ANKRD30B: variants seen among roughly 807,000 people sequenced by gnomAD.
The protein encoded by ANKRD30B is ankyrin repeat domain-containing protein 30B.
A neutral mutation model predicts 202.2 loss-of-function variants in ANKRD30B; 144 were observed. That is an observed-to-expected ratio of 0.71 (90% CI 0.62 to 0.82). ANKRD30B has a LOEUF of 0.82. ANKRD30B is among the 40% of genes least tolerant of loss of function. The pLI is 0.00. For synonymous variants in ANKRD30B, 508 were observed against 561.3 expected (o/e 0.91, Z 1.34); for missense variants, 1,487 against 1,669.1 (o/e 0.89, Z 1.90).
chr18:14,795,956 A>C (rs9676068), intron 16 of ANKRD30B, among the ~76,000 whole-genome samples: 2,607 of 152,060 alleles, frequency 0.017, 81 homozygotes, highest in African/African-American at 0.06. Flanking sequence ...GATTTTTCTA[A>C]TTTAGTTATT....
the ANKRD30B span, among the ~76,000 whole-genome samples, chr18:14,940,819 T>A: frequency 3.9e-5 from 6 of 152,214 alleles, no homozygotes; most frequent in Non-Finnish European, 1.5e-5. Flanking sequence ...AAATAGTTTT[T>A]TATTTTGCAA....
At position 14,780,076 on chromosome 18, in the gene ANKRD30B, T is replaced by C; in HGVS notation, c.1482+55T>C. ...CTAAAAATATTAATATTGAGTGATG[T>C]GAAAATGCAAAATCAGAGGCTTTGA... On this transcript the variant is annotated intron_variant, in intron 11 of 43. Transcript: ENST00000690538. 8.5e-6 allele frequency: 12 copies of C among 1,406,584 alleles called. No homozygotes were observed. The South Asian group carries it at 1.5e-4, about 18-fold the overall frequency. The allele number at this position is 1,406,584 out of a possible 1,614,324, so 87.1% of individuals were successfully genotyped here. A position where few individuals can be genotyped will look rare whatever the true frequency, so the allele number is the denominator to read the frequency against.
Position 14,764,055 on chromosome 18 carries a change from C to A in ANKRD30B, c.1190C>A (p.Pro397His). ...GGAACATCTAATATGATTGCATGTC[C>A]TACAAAAGAAACATCTACAAAAGCA... is the stretch of plus-strand genomic sequence containing the variant. ...EKGTSNMIAC[P>H]TKETSTKAST... is the part of the protein sequence containing the mutation. Residue 397 changes from proline to histidine, a missense_variant, in exon 7 of 44, where the codon CCT becomes CAT. Physicochemically the swap from Pro to His is moderately conservative, Grantham distance 77 (BLOSUM62 -2). Coordinates refer to ENST00000690538, the MANE Select transcript of ANKRD30B (RefSeq NM_001367607.2). 6.5e-7 allele frequency: 1 copy of A among 1,546,074 alleles called. No homozygotes were observed. The highest frequency in any genetic ancestry group is 8.7e-7 in the Non-Finnish European group (1 of 1,153,070).
At chr18:14,860,415 CCAGA>C in the ANKRD30B span, among the ~76,000 whole-genome samples, 2 of 126,890 alleles carry the variant, frequency 1.6e-5, no homozygotes, top group Non-Finnish European at 1.6e-5. Flanking sequence ...TCCTCACCTC[CCAGA>C]TGGGGCAGCC....
the ANKRD30B span, among the ~76,000 whole-genome samples, chr18:14,904,996 A>G: frequency 1.3e-5 from 2 of 152,210 alleles, no homozygotes; most frequent in African/African-American, 4.8e-5. Context: ...CACAGGTTGC[A>G]GTAGAGAAGC....
chr18:14,751,444 A>ACTG (rs1913436761), intron 1 of ANKRD30B, among the ~76,000 whole-genome samples: 1 of 152,078 alleles, frequency 6.6e-6, no homozygotes, highest in African/African-American at 2.4e-5. Flanking sequence ...GAGAGATTTA[A>ACTG]AATTGGAGTA....
chr18:14,884,382 C>T, the ANKRD30B span, among the ~76,000 whole-genome samples: 3 of 152,190 alleles, frequency 2.0e-5, no homozygotes, highest in East Asian at 3.9e-4. Flanking sequence ...GAATTCTGAA[C>T]AAAAACACTG....
chr18:14,915,006 A>T, the ANKRD30B span, among the ~76,000 whole-genome samples: 1 of 152,154 alleles, frequency 6.6e-6, no homozygotes, highest in Non-Finnish European at 1.5e-5. Flanking sequence ...CCAGTTTTGA[A>T]GGGTCCCAAA....
chr18:14,831,347 G>T, intron 33 of ANKRD30B, 36 bp from the exon 34 acceptor site: 1 of 1,318,130 alleles, frequency 7.6e-7, no homozygotes, highest in South Asian at 1.3e-5. Flanking sequence ...TTAAATATAT[G>T]AATTTGCTCA....
At chr18:14,843,692 G>A (rs1971517578) in intron 39 of ANKRD30B, among the ~76,000 whole-genome samples, 1 of 152,054 alleles carries the variant, frequency 6.6e-6, no homozygotes, top group Admixed American at 6.6e-5. Flanking sequence ...TACTCGGGAG[G>A]CTGAGGCAGG....
At chr18:14,893,929 A>G in the ANKRD30B span, among the ~76,000 whole-genome samples, 1 of 150,730 alleles carries the variant, frequency 6.6e-6, no homozygotes, top group South Asian at 2.1e-4. Flanking sequence ...CATAATGTCC[A>G]TGATAGCATA....
intron 28 of ANKRD30B, among the ~76,000 whole-genome samples, chr18:14,810,555 C>G (rs191624367): frequency 2.1e-4 from 31 of 151,046 alleles, no homozygotes; most frequent in East Asian, 9.6e-4. Context: ...CACTTGCTGA[C>G]GTGACAGTTG....
intron 15 of ANKRD30B, among the ~76,000 whole-genome samples, chr18:14,789,629 A>C (rs1968328092): frequency 6.6e-6 from 1 of 152,134 alleles, no homozygotes; most frequent in East Asian, 1.9e-4. Flanking sequence ...TTTTCCCAGC[A>C]CCATTTATTA....
intron 24 of ANKRD30B, among the ~76,000 whole-genome samples, chr18:14,805,271 A>G (rs1379001822): frequency 6.6e-6 from 1 of 150,934 alleles, no homozygotes; most frequent in East Asian, 1.9e-4. Context: ...GAATACTTAA[A>G]TTGTTGTTAT....
At chr18:14,770,261 T>G (rs569799727) in intron 8 of ANKRD30B, among the ~76,000 whole-genome samples, 4 of 152,322 alleles carry the variant, frequency 2.6e-5, no homozygotes, top group Non-Finnish European at 5.9e-5. Flanking sequence ...CGTGGAATTT[T>G]AGGATTTTAA....
chr18:14,894,147 G>T, the ANKRD30B span, among the ~76,000 whole-genome samples: 1 of 152,010 alleles, frequency 6.6e-6, no homozygotes, highest in Non-Finnish European at 1.5e-5. Context: ...TTATCGTCTG[G>T]TTCAATAATT....
chr18:14,792,937 C>T (rs1342844063), intron 16 of ANKRD30B, among the ~76,000 whole-genome samples: 1 of 152,052 alleles, frequency 6.6e-6, no homozygotes, highest in Non-Finnish European at 1.5e-5. Flanking sequence ...GACTTGAATA[C>T]TTAAATTGTT....
At chr18:14,933,110 G>A in the ANKRD30B span, among the ~76,000 whole-genome samples, 2 of 152,164 alleles carry the variant, frequency 1.3e-5, no homozygotes, top group African/African-American at 4.8e-5. Context: ...CTGTAAAAAT[G>A]GAACTTTCAG....
rs183100361 is a variant in ANKRD30B at position 14,755,446 on chromosome 18, T to G, written c.617+441T>G. Among the ~76,000 whole-genome samples the G allele has an allele frequency of 1.3e-3, 191 of 152,232 alleles. 1 individual carries two copies. Among genetic ancestry groups the G allele is most frequent in the Non-Finnish European group, 2.3e-3 (154 of 68,012 alleles). On this transcript the variant is annotated intron_variant, in intron 4 of 43. Transcript: ENST00000690538. ...TAAGTTTTAGGGTACATGTGCACAT[T>G]GTGCAGGTTTGTTACATATGTATAC...
Sources: gnomAD v4.1 joint callset for allele counts (sites outside exome capture counted in the v4.1 genomes callset) on GRCh38, gnomAD v4.1.1 for gene constraint, MANE v1.5 for transcripts, NCBI Gene and HGNC (gene_info 2026-07-23, HGNC 2026-07-21) for gene names.